Variants in PREX1 observed in about 807,000 individuals in gnomAD.
PREX1 encodes the protein phosphatidylinositol-3,4,5-trisphosphate dependent Rac exchange factor 1.
In PREX1, 41 loss-of-function variants were observed where a neutral mutation model predicts 198.3. That is an observed-to-expected ratio of 0.21 (90% CI 0.16 to 0.27). The LOEUF is 0.27. Among genes scored for constraint, PREX1 ranks in the 10% least tolerant of loss-of-function variants. The pLI, the probability that PREX1 is intolerant of heterozygous loss-of-function variation, is 1.00. For missense variants in PREX1, 1,620 were observed against 2,200.7 expected, an observed-to-expected ratio of 0.74 and a Z score of 5.28; for synonymous variants, 843 against 887.2, an observed-to-expected ratio of 0.95 and a Z score of 0.89.
In PREX1 at chr20:48,728,578, C is replaced by T. The variant is rs969334103; in HGVS notation, c.520-2187G>A. ...TGCGGCAGCTGGGAGATGCCGGGCC[C>T]CACGCTGCTCACACTCAGGCCTTTG... On this transcript the variant is annotated intron_variant, in intron 4 of 39. Coordinates refer to ENST00000371941, the MANE Select transcript of PREX1 (RefSeq NM_020820.4). Among the ~76,000 whole-genome samples the T allele has an allele frequency of 8.5e-5, 13 of 152,336 alleles. 1 individual carries two copies. The highest frequency in any genetic ancestry group is 2.9e-4 in the African/African-American group (12 of 41,580).
At chr20:48,630,974 G>A (rs3810535) in intron 35 of PREX1, among the ~76,000 whole-genome samples, 180 bp from the exon 36 acceptor site, 23 of 152,024 alleles carry the variant, frequency 1.5e-4, no homozygotes, top group African/African-American at 5.5e-4. Context: ...CAACAGCCGG[G>A]GGGGAAAGAG....
At chr20:48,866,392 T>C in the PREX1 span, among the ~76,000 whole-genome samples, 5 of 152,122 alleles carry the variant, frequency 3.3e-5, no homozygotes, top group Admixed American at 3.3e-4. Flanking sequence ...ATGGGCATTG[T>C]CTGGGAAACT....
intron 5 of PREX1, among the ~76,000 whole-genome samples, chr20:48,724,054 C>T (rs1420463874): frequency 2.0e-5 from 3 of 152,136 alleles, no homozygotes; most frequent in Admixed American, 6.5e-5. Flanking sequence ...ACAGAGCCAC[C>T]GACCTTAGAC....
chr20:48,774,195 G>A (rs1056638359), intron 1 of PREX1, among the ~76,000 whole-genome samples: 8 of 152,218 alleles, frequency 5.3e-5, no homozygotes, highest in African/African-American at 1.9e-4. Context: ...GAGACAGACC[G>A]TCCGTCAGCA....
chr20:48,869,277 T>G, the PREX1 span, among the ~76,000 whole-genome samples: 1 of 147,130 alleles, frequency 6.8e-6, no homozygotes, highest in African/African-American at 2.5e-5. Context: ...TTGCAGTGTT[T>G]TTTTGTTTTG....
chr20:48,864,064 C>G, the PREX1 span, among the ~76,000 whole-genome samples: 4 of 152,128 alleles, frequency 2.6e-5, no homozygotes, highest in Non-Finnish European at 5.9e-5. Context: ...CAATTATGAA[C>G]AAAGGCTTAT....
intron 2 of PREX1, among the ~76,000 whole-genome samples, chr20:48,747,332 A>AT (rs1453846845): frequency 2.0e-5 from 3 of 152,172 alleles, no homozygotes; most frequent in Admixed American, 6.5e-5. Flanking sequence ...TCTCCTCCTC[A>AT]AACTCCCCAG....
chr20:48,641,066 G>A (rs978652093), intron 29 of PREX1, among the ~76,000 whole-genome samples: 2 of 151,896 alleles, frequency 1.3e-5, no homozygotes, highest in East Asian at 1.9e-4. Flanking sequence ...GAGGGTAGAT[G>A]GGTGGATGCA....
At chr20:48,753,950 A>G (rs1361248245) in intron 1 of PREX1, among the ~76,000 whole-genome samples, 1 of 152,200 alleles carries the variant, frequency 6.6e-6, no homozygotes, top group Non-Finnish European at 1.5e-5. Flanking sequence ...ATCATTCAGT[A>G]TCATCTCCCT....
chr20:48,821,822 C>T (rs749322069), intron 1 of PREX1: 9 of 152,218 alleles, frequency 5.9e-5, no homozygotes, highest in Non-Finnish European at 1.2e-4. Context: ...ACACCAACCC[C>T]ATTCGCGTCT....
chr20:48,723,090 A>G (rs968479), intron 5 of PREX1, among the ~76,000 whole-genome samples: 73,513 of 152,132 alleles, frequency 0.48, 19,238 homozygotes, highest in African/African-American at 0.69. Flanking sequence ...AGAATGTTCC[A>G]GCTATTCTTA....
intron 21 of PREX1, 95 bp downstream of exon 21, chr20:48,652,491 A>G (rs879095997): frequency 8.4e-5 from 121 of 1,438,154 alleles, no homozygotes; most frequent in Middle Eastern, 1.9e-4. Flanking sequence ...ACTGGCTGGG[A>G]GGAGGGGAGG....
At chr20:48,794,523 A>G (rs2090351826) in intron 1 of PREX1, among the ~76,000 whole-genome samples, 1 of 152,208 alleles carries the variant, frequency 6.6e-6, no homozygotes. Flanking sequence ...GGGCAGCACC[A>G]GTACTGCCCA....
At chr20:48,663,908 G>A (rs548198113) in intron 15 of PREX1, among the ~76,000 whole-genome samples, 21 of 144,020 alleles carry the variant, frequency 1.5e-4, no homozygotes, top group Middle Eastern at 6.8e-3. Flanking sequence ...GTGTGAGTGC[G>A]CGCACACACA....
chr20:48,776,698 C>T (rs2090264053), intron 1 of PREX1, among the ~76,000 whole-genome samples: 2 of 152,226 alleles, frequency 1.3e-5, no homozygotes, highest in Admixed American at 1.3e-4. Context: ...CCCATGGCCA[C>T]TCAGTCTCCT....
At chr20:48,788,773 CATGA>C (rs1347819924) in intron 1 of PREX1, among the ~76,000 whole-genome samples, 1 of 152,190 alleles carries the variant, frequency 6.6e-6, no homozygotes, top group Non-Finnish European at 1.5e-5. Flanking sequence ...GCTCTGCCCT[CATGA>C]ATGAATTAAT....
At chr20:48,702,163 A>G in intron 6 of PREX1, among the ~76,000 whole-genome samples, 1 of 151,300 alleles carries the variant, frequency 6.6e-6, no homozygotes, top group East Asian at 1.9e-4. Flanking sequence ...AGCTGAGATA[A>G]CGCCACTGAA....
At chr20:48,719,306 C>G (rs953831849) in intron 5 of PREX1, among the ~76,000 whole-genome samples, 44 of 152,130 alleles carry the variant, frequency 2.9e-4, no homozygotes, top group Non-Finnish European at 4.4e-4. Context: ...TGGCAGGACC[C>G]CCCCCCCAAC....
chr20:48,641,841 AGG>A (rs2089413799), intron 29 of PREX1, among the ~76,000 whole-genome samples: 2 of 6,488 alleles, frequency 3.1e-4, no homozygotes, highest in Admixed American at 1.7e-3. Flanking sequence ...AGAGAGAGAG[AGG>A]AAGGAAGGAA....
Sources: allele counts gnomAD v4.1 joint callset (sites outside exome capture counted in the v4.1 genomes callset), GRCh38; gene constraint gnomAD v4.1.1; transcripts MANE v1.5; gene names NCBI Gene and HGNC (gene_info 2026-07-23, HGNC 2026-07-21).